DNASE1: variants seen among roughly 807,000 people sequenced by gnomAD.
DNASE1 encodes deoxyribonuclease-1.
Under a neutral mutation model 33.9 loss-of-function variants are expected in DNASE1, and 40 were observed. The ratio of observed to expected loss-of-function variants is 1.18; its 90% CI spans 0.92 to 1.54. DNASE1 has a LOEUF of 1.54. Ranked by LOEUF, DNASE1 falls within the 40% of genes most tolerant of loss-of-function variation. DNASE1 has a pLI of 0.00. For missense variants in DNASE1, 518 were observed against 372.6 expected, an observed-to-expected ratio of 1.39 and a Z score of -3.21; for synonymous variants, 216 against 160.0, an observed-to-expected ratio of 1.35 and a Z score of -2.64.
At chr16:3,656,599 C>T (rs1473254033) in intron 4 of DNASE1, 39 bp from the exon 5 acceptor site, 1 of 1,560,692 alleles carries the variant, frequency 6.4e-7, no homozygotes, top group Non-Finnish European at 8.7e-7. Context: ...GGGCAGCTTC[C>T]AGCCTGGGGT....
At chr16:3,635,702 A>C (rs974573805) in intron 1 of DNASE1, among the ~76,000 whole-genome samples, 3 of 151,256 alleles carry the variant, frequency 2.0e-5, no homozygotes, top group Non-Finnish European at 4.4e-5. Flanking sequence ...TTTTTAGGTT[A>C]ATAGGGTTTT....
chr16:3,627,034 T>C (rs1177571226), intron 1 of DNASE1, among the ~76,000 whole-genome samples: 2 of 151,554 alleles, frequency 1.3e-5, no homozygotes, highest in Non-Finnish European at 2.9e-5. Context: ...ACCATGCTTA[T>C]TTAAATTTTT....
At chr16:3,619,567 T>C (rs1401545634) in intron 1 of DNASE1, among the ~76,000 whole-genome samples, 1 of 147,766 alleles carries the variant, frequency 6.8e-6, no homozygotes. Flanking sequence ...TTCACCGTGT[T>C]AGCCAGGATG....
chr16:3,650,527 C>A (rs370206426), upstream of DNASE1: 18 of 151,018 alleles, frequency 1.2e-4, no homozygotes, highest in East Asian at 3.1e-3. Context: ...TTTTTGAATT[C>A]CTGTAATATG....
intron 1 of DNASE1, among the ~76,000 whole-genome samples, chr16:3,618,373 A>C (rs1596552591): frequency 6.6e-6 from 1 of 152,236 alleles, no homozygotes; most frequent in South Asian, 2.1e-4. Flanking sequence ...TGAACAAGTT[A>C]AAGATAAAAT....
At chr16:3,654,536 G>A (rs1303152384), upstream of DNASE1, 1 of 398,560 alleles carries the variant, frequency 2.5e-6, no homozygotes, top group African/African-American at 2.1e-5. Flanking sequence ...GAGACAGGGA[G>A]ACTGGAGCCC....
Position 3,656,986 on chromosome 16 carries a change from G to A in DNASE1, c.437-13G>A, listed in dbSNP as rs1206391831. 6.2e-7 allele frequency: 1 copy of A among 1,612,572 alleles called. No individual in the cohort carries two copies. The highest frequency in any genetic ancestry group is 1.3e-5 in the African/African-American group (1 of 75,044). ...CAGGGAGTGTGCCTCACACGACGTG[G>A]CTGTCTCCACAGAGGTCAGGGAGTT... On this transcript the variant is annotated splice_polypyrimidine_tract_variant and intron_variant, in intron 5 of 8. Transcript: ENST00000246949.
chr16:3,647,440 A>G (rs2042207481), intron 1 of DNASE1, among the ~76,000 whole-genome samples: 1 of 151,796 alleles, frequency 6.6e-6, no homozygotes, highest in South Asian at 2.1e-4. Flanking sequence ...TGCCTGGCTA[A>G]CTTTTTAATT....
upstream of DNASE1, chr16:3,654,574 C>T (rs1318137833): frequency 2.5e-6 from 1 of 398,582 alleles, no homozygotes; most frequent in African/African-American, 2.1e-5. Context: ...CATACCTGGC[C>T]CATCCCTGCC....
chr16:3,635,681 C>A (rs2041848500), intron 1 of DNASE1, among the ~76,000 whole-genome samples: 1 of 151,008 alleles, frequency 6.6e-6, no homozygotes, highest in Non-Finnish European at 1.5e-5. Context: ...GGTAATTTTA[C>A]TGGATACAGA....
At chr16:3,630,276 G>C (rs942392693) in intron 1 of DNASE1, among the ~76,000 whole-genome samples, 1 of 152,018 alleles carries the variant, frequency 6.6e-6, no homozygotes, top group Non-Finnish European at 1.5e-5. Flanking sequence ...GACCTCCCAG[G>C]CTCAAAACGA....
intron 1 of DNASE1, among the ~76,000 whole-genome samples, chr16:3,617,842 A>G (rs371087889): frequency 6.6e-6 from 1 of 152,172 alleles, no homozygotes; most frequent in Non-Finnish European, 1.5e-5. Flanking sequence ...CCTTTCTGCC[A>G]TTAGAGGAAG....
intron 1 of DNASE1, among the ~76,000 whole-genome samples, chr16:3,630,093 C>T (rs2041648403): frequency 6.6e-6 from 1 of 152,154 alleles, no homozygotes; most frequent in Admixed American, 6.5e-5. Context: ...TGCTGGCTTG[C>T]AGGCGTGAGC....
intron 1 of DNASE1, among the ~76,000 whole-genome samples, chr16:3,648,489 G>C (rs2042237666): frequency 1.3e-5 from 2 of 152,208 alleles, no homozygotes; most frequent in South Asian, 2.1e-4. Flanking sequence ...ATGAACCCCA[G>C]AGGTGAAGCT....
chr16:3,613,933 G>C (rs2041003829), intron 1 of DNASE1, among the ~76,000 whole-genome samples: 1 of 128,152 alleles, frequency 7.8e-6, no homozygotes, highest in South Asian at 2.5e-4. Flanking sequence ...TTTTTTTTTG[G>C]ACAAAATCTC....
upstream of DNASE1, chr16:3,652,508 TAG>T (rs2042368391): frequency 6.6e-6 from 1 of 152,360 alleles, no homozygotes; most frequent in African/African-American, 2.4e-5. Context: ...GTCCTAGACT[TAG>T]AGATTAAAAA....
At chr16:3,611,989 C>G (rs1352204461) in exon 1 of DNASE1, 2 of 152,172 alleles carry the variant, frequency 1.3e-5, no homozygotes, top group Non-Finnish European at 2.9e-5. Flanking sequence ...CCTGGGGGCC[C>G]GAGAAGCTTC....
At chr16:3,660,941 T>C (rs1005139873), downstream of DNASE1, 1 of 133,256 alleles carries the variant, frequency 7.5e-6, no homozygotes, top group African/African-American at 2.5e-5. Flanking sequence ...AAAATACTAC[T>C]TAGGCTACAT....
At chr16:3,659,913 C>T (rs2042973596), downstream of DNASE1, 1 of 152,118 alleles carries the variant, frequency 6.6e-6, no homozygotes, top group Non-Finnish European at 1.5e-5. Context: ...CCACCCCCAG[C>T]TAGTTTTTGT....
Sources: gnomAD v4.1 joint callset for allele counts (sites outside exome capture counted in the v4.1 genomes callset) on GRCh38, gnomAD v4.1.1 for gene constraint, MANE v1.5 for transcripts, NCBI Gene and HGNC (gene_info 2026-07-23, HGNC 2026-07-21) for gene names.